The following NDUFAF7 variants were observed in gnomAD, a reference collection of about 807,000 sequenced individuals.
NDUFAF7 encodes protein arginine methyltransferase NDUFAF7, mitochondrial.
In NDUFAF7, 48 loss-of-function variants were observed where a neutral mutation model predicts 47.2. That is an observed-to-expected ratio of 1.02 (90% CI 0.81 to 1.29). NDUFAF7 has a LOEUF of 1.29. Among genes scored for constraint, NDUFAF7 ranks in the 50% most tolerant of loss-of-function variants. The probability of loss-of-function intolerance (pLI) is 0.00; values close to 1 mark genes in which losing one functional copy is unlikely to be tolerated. For synonymous variants in NDUFAF7, 217 were observed against 190.0 expected, an observed-to-expected ratio of 1.14 and a Z score of -1.17; for missense variants, 635 against 537.6, an observed-to-expected ratio of 1.18 and a Z score of -1.79.
At chr2:37,232,291 TAGG>T in intron 2 of NDUFAF7, 25 bp downstream of exon 2, 2 of 1,612,040 alleles carry the variant, frequency 1.2e-6, no homozygotes, top group Non-Finnish European at 1.7e-6. Flanking sequence ...GCCCGAGGAC[TAGG>T]CCCTCTCTAG....
chr2:37,233,669 G>C (rs1416849817), intron 2 of NDUFAF7, among the ~76,000 whole-genome samples: 1 of 151,786 alleles, frequency 6.6e-6, no homozygotes, highest in East Asian at 1.9e-4. Context: ...AGAAAGACTG[G>C]GCAGGCATAT....
At chr2:37,247,780 G>T (rs1160958317) in intron 9 of NDUFAF7, 151 bp downstream of exon 9, 40 of 963,676 alleles carry the variant, frequency 4.2e-5, no homozygotes, top group Non-Finnish European at 3.1e-6. Context: ...TTAGTAACTA[G>T]TCTGGTAAGT....
the NDUFAF7 span, among the ~76,000 whole-genome samples, chr2:37,261,854 C>G: frequency 7.9e-5 from 12 of 151,986 alleles, no homozygotes; most frequent in Non-Finnish European, 1.5e-4. Context: ...TAGAATGGTA[C>G]AAAAGTGGTA....
intron 4 of NDUFAF7, 128 bp downstream of exon 4, chr2:37,237,995 C>T: frequency 8.1e-6 from 6 of 741,862 alleles, no homozygotes; most frequent in Non-Finnish European, 1.4e-5. Flanking sequence ...AATATAATGT[C>T]AGAATAATGT....
chr2:37,242,565 C>A (rs1227400022), intron 5 of NDUFAF7, 70 bp from the exon 6 acceptor site: 2 of 1,258,850 alleles, frequency 1.6e-6, no homozygotes. Context: ...ATTTTTTTTA[C>A]AGTTAATATT....
At chr2:37,255,992 A>G (rs967626816), downstream of NDUFAF7, among the ~76,000 whole-genome samples, 3 of 152,226 alleles carry the variant, frequency 2.0e-5, no homozygotes, top group African/African-American at 7.2e-5. Context: ...CCTGGGTGAC[A>G]GAGGGAGACC....
At chr2:37,239,631 AT>A (rs1324647632) in intron 4 of NDUFAF7, among the ~76,000 whole-genome samples, 4 of 152,238 alleles carry the variant, frequency 2.6e-5, no homozygotes, top group Non-Finnish European at 4.4e-5. Flanking sequence ...GAATCAGTTA[AT>A]TGTGGTATAG....
chr2:37,244,279 C>T (rs975497629), intron 7 of NDUFAF7, among the ~76,000 whole-genome samples: 2 of 152,204 alleles, frequency 1.3e-5, no homozygotes, highest in Admixed American at 6.5e-5. Context: ...GTATTGTCCA[C>T]AGGAAGAGTT....
chr2:37,245,120 A>T (rs574424946), intron 7 of NDUFAF7, among the ~76,000 whole-genome samples: 1 of 152,318 alleles, frequency 6.6e-6, no homozygotes, highest in East Asian at 1.9e-4. Context: ...TTTAATCCTC[A>T]CAATAAACCT....
chr2:37,271,058 T>C, the NDUFAF7 span, among the ~76,000 whole-genome samples: 1 of 152,258 alleles, frequency 6.6e-6, no homozygotes, highest in Non-Finnish European at 1.5e-5. Context: ...TGAAATGTTC[T>C]ATCTCCAATA....
rs369731209 is a variant in NDUFAF7, at chr2:37,248,196, T to C, written c.1172T>C (p.Met391Thr). 1.4e-4 allele frequency: 218 copies of C among 1,614,080 alleles called. No individual in the cohort carries two copies. In the South Asian group the frequency reaches 2.3e-3, roughly 17 times the overall value. Reference sequence around the variant, plus strand: ...CAGCAGTTACTTCAAGGATATGATATGTTAATGAATCCAAAGAAGATGGGA... The same window carrying C: ...CAGCAGTTACTTCAAGGATATGATACGTTAATGAATCCAAAGAAGATGGGA... Reference protein sequence around the residue: ...VRQQLLQGYDMLMNPKKMGER... With the variant: ...VRQQLLQGYDTLMNPKKMGER... Residue 391 changes from methionine to threonine, a missense_variant, in exon 10 of 10, where the codon ATG (methionine) becomes ACG (threonine). Coordinates refer to ENST00000002125, the MANE Select transcript of NDUFAF7 (RefSeq NM_144736.5).
downstream of NDUFAF7, among the ~76,000 whole-genome samples, chr2:37,250,237 G>A (rs1572581971): frequency 6.6e-6 from 1 of 151,768 alleles, no homozygotes; most frequent in East Asian, 1.9e-4. Context: ...TCCTGTATTT[G>A]TTTTCTTTTT....
chr2:37,258,075 C>T (rs530981374), downstream of NDUFAF7, among the ~76,000 whole-genome samples: 2 of 152,266 alleles, frequency 1.3e-5, no homozygotes, highest in African/African-American at 4.8e-5. Context: ...GCTGAACAAG[C>T]AAATGCCAGG....
intron 4 of NDUFAF7, 27 bp from the exon 5 acceptor site, chr2:37,241,551 A>G: frequency 6.5e-7 from 1 of 1,537,352 alleles, no homozygotes; most frequent in South Asian, 1.1e-5. Flanking sequence ...AACACATTGT[A>G]TTTTTTTTTC....
At chr2:37,257,096 C>A (rs72863122), downstream of NDUFAF7, among the ~76,000 whole-genome samples, 9,251 of 152,152 alleles carry the variant, frequency 0.061, 730 homozygotes, top group African/African-American at 0.18. Context: ...TCTCAAAAGG[C>A]AGACACATTT....
At chr2:37,239,118 C>CTTT (rs368415833) in intron 4 of NDUFAF7, among the ~76,000 whole-genome samples, 9 of 133,092 alleles carry the variant, frequency 6.8e-5, no homozygotes, top group Non-Finnish European at 9.7e-5. Context: ...TTTTCTTTCT[C>CTTT]TTTTTTTTTT....
chr2:37,248,597 G>GTAAGTTAAATAAAATATTT lies in NDUFAF7; in HGVS notation c.*247_*248insTAAGTTAAATAAAATATTT. 1 of 502,688 alleles carries GTAAGTTAAATAAAATATTT rather than the reference G, an allele frequency of 2.0e-6. No homozygotes were observed. The highest frequency in any genetic ancestry group is 3.6e-6 in the Non-Finnish European group (1 of 278,296). The allele number at this position is 502,688 out of a possible 1,614,324, so 31.1% of individuals were successfully genotyped here. ...TTTCCTTTAACTTACAAAGCTAGTTGCCATATTTCTATTTTATTTTAAAAA... is the reference window on the plus strand; with the variant it reads ...TTTCCTTTAACTTACAAAGCTAGTTGTAAGTTAAATAAAATATTTCCATATTTCTATTTTATTTTAAAAA... On this transcript the variant is annotated 3_prime_UTR_variant, in exon 10 of 10. Coordinates refer to ENST00000002125, the MANE Select transcript of NDUFAF7 (RefSeq NM_144736.5).
Position 37,249,154 on chromosome 2 carries a change from A to G in NDUFAF7, c.*804A>G, listed in dbSNP as rs1268047305. ...TAAATAAATACGAGTAATTTCATAG[A>G]AACGAATACACTAGTGTACACTGGT... is the stretch of plus-strand genomic sequence containing the variant. On this transcript the variant is annotated 3_prime_UTR_variant, in exon 10 of 10. Coordinates refer to ENST00000002125, the MANE Select transcript of NDUFAF7 (RefSeq NM_144736.5). 1.3e-5 allele frequency: 2 copies of G among 152,296 alleles called. No homozygotes were observed. Among genetic ancestry groups the G allele is most frequent in the Non-Finnish European group, 2.9e-5 (2 of 68,106 alleles). 9.4% of individuals were successfully genotyped at this position (152,296 alleles called of 1,614,324 possible).
the NDUFAF7 span, among the ~76,000 whole-genome samples, chr2:37,270,274 C>T: frequency 0.73 from 108,800 of 149,458 alleles, 40,350 homozygotes; most frequent in East Asian, 0.98. Flanking sequence ...TCTATAAAAG[C>T]AAATCTACCT....
Sources: gnomAD v4.1 joint callset for allele counts (sites outside exome capture counted in the v4.1 genomes callset) on GRCh38, gnomAD v4.1.1 for gene constraint, MANE v1.5 for transcripts, NCBI Gene and HGNC (gene_info 2026-07-23, HGNC 2026-07-21) for gene names.